Variants in CPS1 observed in about 807,000 individuals in gnomAD.
CPS1 encodes the protein carbamoyl-phosphate synthase [ammonia], mitochondrial.
CPS1 carries 109 observed loss-of-function variants against 174.6 expected under a neutral mutation model. That is an observed-to-expected ratio of 0.62 (90% CI 0.53 to 0.73). The LOEUF (loss-of-function observed/expected upper bound fraction) is 0.73, where lower values mean the gene tolerates loss of function less well. CPS1 is among the 30% of genes least tolerant of loss of function. CPS1 has a pLI of 0.00. For synonymous variants in CPS1, 637 were observed against 632.0 expected (o/e 1.01, Z -0.12); for missense variants, 1,689 against 1,821.9 (o/e 0.93, Z 1.33).
chr2:210,569,867 C>A (rs943087160), intron 1 of CPS1, among the ~76,000 whole-genome samples: 1 of 151,884 alleles, frequency 6.6e-6, no homozygotes, highest in African/African-American at 2.4e-5. Context: ...CAAAGTAAGA[C>A]GTGCTCTGGC....
At chr2:210,502,114 T>G (rs1363999409) in intron 1 of CPS1, among the ~76,000 whole-genome samples, 1 of 151,946 alleles carries the variant, frequency 6.6e-6, no homozygotes, top group South Asian at 2.1e-4. Context: ...CTCACCATCA[T>G]GAGAACAGCA....
intron 1 of CPS1, among the ~76,000 whole-genome samples, chr2:210,535,571 A>C (rs1437613394): frequency 6.6e-6 from 1 of 152,140 alleles, no homozygotes; most frequent in Non-Finnish European, 1.5e-5. Context: ...TCAGCTACTG[A>C]CTTTAAAAAA....
chr2:210,521,065 C>T (rs559783569), intron 1 of CPS1, among the ~76,000 whole-genome samples: 11 of 152,126 alleles, frequency 7.2e-5, no homozygotes, highest in African/African-American at 2.4e-4. Context: ...TTCCCACCAG[C>T]AGTGTATAGG....
intron 14 of CPS1, among the ~76,000 whole-genome samples, chr2:210,600,249 T>A (rs1193109628): frequency 2.0e-5 from 3 of 151,884 alleles, no homozygotes; most frequent in Non-Finnish European, 4.4e-5. Context: ...ATTATAGAAA[T>A]GGACTTTAGG....
chr2:210,586,189 G>A (rs776385166), intron 6 of CPS1, among the ~76,000 whole-genome samples: 5 of 151,910 alleles, frequency 3.3e-5, no homozygotes, highest in Non-Finnish European at 7.4e-5. Context: ...GTACTGAGTC[G>A]TGATGTTCAT....
chr2:210,572,583 C>A (rs1231194556), intron 1 of CPS1, among the ~76,000 whole-genome samples: 1 of 151,996 alleles, frequency 6.6e-6, no homozygotes, highest in Non-Finnish European at 1.5e-5. Flanking sequence ...TAGACACTGG[C>A]TCAAAGATTA....
chr2:210,607,038 A>G, intron 18 of CPS1, 97 bp downstream of exon 18: 2 of 1,105,182 alleles, frequency 1.8e-6, no homozygotes, highest in East Asian at 2.5e-5. Flanking sequence ...TTTACAAACT[A>G]TGTTCCCTTT....
At chr2:210,664,370 G>A (rs924905333) in intron 33 of CPS1, among the ~76,000 whole-genome samples, 4 of 150,826 alleles carry the variant, frequency 2.7e-5, no homozygotes, top group South Asian at 2.1e-4. Flanking sequence ...AGTTTTGCTC[G>A]CTCTTGTTGC....
In CPS1 at chr2:210,512,862, A is replaced by G. The variant is rs1475197006; in HGVS notation, c.3+35096A>G. 4.3e-5 allele frequency among the ~76,000 whole-genome samples: 2 copies of G among 46,806 alleles called. 1 individual carries two copies. Among genetic ancestry groups the G allele is most frequent in the South Asian group, 1.8e-3 (2 of 1,124 alleles). The allele number at this position is 46,806 out of a possible 152,430, so 30.7% of individuals were successfully genotyped here. A position where few individuals can be genotyped will look rare whatever the true frequency, so the allele number is the denominator to read the frequency against. Reference sequence around the variant, plus strand: ...TACATATATGGAGATATATATATATAGATATATATATATAGAGATATATAT... The same window carrying G: ...TACATATATGGAGATATATATATATGGATATATATATATAGAGATATATAT... On this transcript the variant is annotated intron_variant, in intron 1 of 38. Transcript: ENST00000430249.
chr2:210,529,847 A>T (rs1014848598), intron 1 of CPS1, among the ~76,000 whole-genome samples: 2 of 151,940 alleles, frequency 1.3e-5, no homozygotes, highest in African/African-American at 2.4e-5. Flanking sequence ...TCATTGCTCC[A>T]TGTCAGTTCA....
intron 1 of CPS1, among the ~76,000 whole-genome samples, chr2:210,512,063 A>AT (rs1272911866): frequency 1.3e-5 from 2 of 151,864 alleles, no homozygotes; most frequent in African/African-American, 4.8e-5. Flanking sequence ...TGAACTTACC[A>AT]TTTTTCCCTA....
upstream of CPS1, among the ~76,000 whole-genome samples, chr2:210,554,753 G>GA (rs903722061): frequency 8.2e-5 from 12 of 145,894 alleles, no homozygotes; most frequent in Non-Finnish European, 1.1e-4. Flanking sequence ...AATAATAAAA[G>GA]AAAAAAAAAC....
intron 1 of CPS1, among the ~76,000 whole-genome samples, chr2:210,501,068 G>A (rs1297404014): frequency 6.6e-6 from 1 of 152,124 alleles, no homozygotes; most frequent in Non-Finnish European, 1.5e-5. Flanking sequence ...GCCCTCTGAA[G>A]CCATGGCCAG....
At chr2:210,477,948 G>A (rs1694444294) in intron 1 of CPS1, among the ~76,000 whole-genome samples, 1 of 152,144 alleles carries the variant, frequency 6.6e-6, no homozygotes, top group South Asian at 2.1e-4. Context: ...GTTAAGCAAG[G>A]CAGGATGGTA....
At chr2:210,624,493 A>G (rs1699637042) in intron 21 of CPS1, among the ~76,000 whole-genome samples, 1 of 152,088 alleles carries the variant, frequency 6.6e-6, no homozygotes, top group South Asian at 2.1e-4. Flanking sequence ...GTAAGAGAAG[A>G]GTAATACCAT....
chr2:210,663,119 A>G lies in CPS1; in HGVS notation c.3928-4A>G, dbSNP rs199854797. On this transcript the variant is annotated splice_polypyrimidine_tract_variant and splice_region_variant and intron_variant, in intron 32 of 37. Transcript: ENST00000233072. ...TTTCTCCCTGTTTTTTTTTTTTCCA[A>G]CAGGCTCCCATGTTTTCCTGGCCCC... 2 of 1,612,256 alleles carry G rather than the reference A, an allele frequency of 1.2e-6. No individual in the cohort carries two copies. The highest frequency in any genetic ancestry group is 1.7e-6 in the Non-Finnish European group (2 of 1,179,532).
chr2:210,516,138 A>G (rs1695676656), intron 1 of CPS1, among the ~76,000 whole-genome samples: 2 of 151,814 alleles, frequency 1.3e-5, no homozygotes, highest in Non-Finnish European at 2.9e-5. Context: ...ACCTTTGAGT[A>G]TGTTCTGTGT....
chr2:210,522,234 G>A (rs893825682), intron 1 of CPS1, among the ~76,000 whole-genome samples: 4 of 151,846 alleles, frequency 2.6e-5, no homozygotes, highest in Admixed American at 6.6e-5. Context: ...CCAGTAATAT[G>A]ATTTACAAAT....
At chr2:210,585,425 C>T (rs1340990974) in intron 6 of CPS1, among the ~76,000 whole-genome samples, 1 of 151,950 alleles carries the variant, frequency 6.6e-6, no homozygotes, top group Non-Finnish European at 1.5e-5. Context: ...CTATTGAGTA[C>T]TTATTATCTG....
Sources: gnomAD v4.1 joint callset for allele counts (sites outside exome capture counted in the v4.1 genomes callset) on GRCh38, gnomAD v4.1.1 for gene constraint, MANE v1.5 for transcripts, NCBI Gene and HGNC (gene_info 2026-07-23, HGNC 2026-07-21) for gene names.